The following ZC3H12B variants were observed in gnomAD, a reference collection of about 807,000 sequenced individuals.
ZC3H12B encodes zinc finger CCCH-type containing 12B.
A neutral mutation model predicts 43.9 loss-of-function variants in ZC3H12B; 7 were observed. The observed-to-expected ratio is 0.16, with a 90% confidence interval of 0.09 to 0.30. The LOEUF (loss-of-function observed/expected upper bound fraction) is 0.30, where lower values mean the gene tolerates loss of function less well. ZC3H12B is among the 10% of genes least tolerant of loss of function. ZC3H12B has a pLI of 1.00. For synonymous variants in ZC3H12B, 222 were observed against 241.7 expected (o/e 0.92, Z 0.76); for missense variants, 475 against 670.2 (o/e 0.71, Z 3.22).
chrX:65,163,415 G>T, the ZC3H12B span, among the ~76,000 whole-genome samples: 9 of 111,477 alleles, frequency 8.1e-5, no homozygotes, highest in Admixed American at 4.8e-4. Flanking sequence ...AGCTGTGGTG[G>T]GCTCCACCCA....
At chrX:65,432,033 T>G (rs113977635) in intron 3 of ZC3H12B, among the ~76,000 whole-genome samples, 9,198 of 111,380 alleles carry the variant, frequency 0.083, 1,027 homozygotes, top group African/African-American at 0.29. Flanking sequence ...TGAACCTAGG[T>G]CACTCCCCAT....
the ZC3H12B span, among the ~76,000 whole-genome samples, chrX:65,242,397 C>T: frequency 9.0e-6 from 1 of 111,136 alleles, no homozygotes; most frequent in Non-Finnish European, 1.9e-5. Context: ...ACAATAGCCA[C>T]AAATAAAATA....
At chrX:65,500,509 C>A (rs764815711) in intron 4 of ZC3H12B, among the ~76,000 whole-genome samples, 21 of 111,938 alleles carry the variant, frequency 1.9e-4, no homozygotes, top group Non-Finnish European at 3.2e-4. Context: ...CTCACTGCAA[C>A]CTCCGCTTCC....
At chrX:65,253,083 A>G in the ZC3H12B span, among the ~76,000 whole-genome samples, 1 of 112,154 alleles carries the variant, frequency 8.9e-6, no homozygotes, top group Non-Finnish European at 1.9e-5. Flanking sequence ...AGTAAAATTC[A>G]TTCTTGAGGG....
the ZC3H12B span, among the ~76,000 whole-genome samples, chrX:65,309,950 C>A: frequency 2.7e-5 from 3 of 111,738 alleles, no homozygotes; most frequent in African/African-American, 9.7e-5. Context: ...AATTCAACAG[C>A]CCTTCATGCT....
intron 3 of ZC3H12B, among the ~76,000 whole-genome samples, chrX:65,481,583 T>C (rs2068064460): frequency 9.0e-6 from 1 of 111,539 alleles, no homozygotes; most frequent in Non-Finnish European, 1.9e-5. Context: ...CCTAAACTCA[T>C]GGGGGGACAG....
intron 3 of ZC3H12B, among the ~76,000 whole-genome samples, chrX:65,422,999 C>G (rs1267824569): frequency 1.2e-5 from 1 of 84,389 alleles, no homozygotes; most frequent in African/African-American, 4.8e-5. Flanking sequence ...GTGGTGCAAT[C>G]TCAGCTCACT....
At chrX:65,126,149 C>A in the ZC3H12B span, among the ~76,000 whole-genome samples, 1 of 109,088 alleles carries the variant, frequency 9.2e-6, no homozygotes, top group South Asian at 3.9e-4. Flanking sequence ...AGATCTAGAG[C>A]TCCTTTTAGC....
the ZC3H12B span, among the ~76,000 whole-genome samples, chrX:65,300,511 G>A: frequency 3.6e-5 from 4 of 111,128 alleles, no homozygotes; most frequent in South Asian, 3.8e-4. Flanking sequence ...AAGCAAGCCC[G>A]GCCCAAGGAG....
chrX:65,176,856 A>T, the ZC3H12B span, among the ~76,000 whole-genome samples: 1 of 111,676 alleles, frequency 9.0e-6, no homozygotes, highest in Non-Finnish European at 1.9e-5. Context: ...AGGCACAAAG[A>T]GGAGCTGGTA....
At chrX:65,477,580 C>A (rs2068010721) in intron 3 of ZC3H12B, among the ~76,000 whole-genome samples, 1 of 110,764 alleles carries the variant, frequency 9.0e-6, no homozygotes, top group South Asian at 3.8e-4. Context: ...GGGTGGATCA[C>A]CTGAGGTCAG....
At chrX:65,251,160 A>G in the ZC3H12B span, among the ~76,000 whole-genome samples, 4 of 111,968 alleles carry the variant, frequency 3.6e-5, no homozygotes, top group Admixed American at 1.9e-4. Context: ...ACATATGGCT[A>G]GCCAGTTTTC....
chrX:65,361,650 T>C (rs896064805), upstream of ZC3H12B, among the ~76,000 whole-genome samples: 1 of 110,763 alleles, frequency 9.0e-6, no homozygotes, highest in African/African-American at 3.3e-5. Flanking sequence ...ATGTCCCATT[T>C]GGCAACAACC....
At chrX:65,110,090 C>T in the ZC3H12B span, among the ~76,000 whole-genome samples, 1 of 110,619 alleles carries the variant, frequency 9.0e-6, no homozygotes, top group African/African-American at 3.3e-5. Flanking sequence ...GCGTGTTTGC[C>T]ATCTGTATAT....
At chrX:65,251,071 G>T in the ZC3H12B span, among the ~76,000 whole-genome samples, 3 of 112,178 alleles carry the variant, frequency 2.7e-5, no homozygotes, top group Middle Eastern at 4.6e-3. Context: ...ATGGTTTTAG[G>T]TCTAACATTT....
the ZC3H12B span, among the ~76,000 whole-genome samples, chrX:65,072,663 T>A: frequency 8.9e-6 from 1 of 112,117 alleles, no homozygotes; most frequent in Admixed American, 9.4e-5. Context: ...GGGCTCACTC[T>A]GATGGGTGGT....
At chrX:65,113,420 A>C in the ZC3H12B span, among the ~76,000 whole-genome samples, 39 of 111,061 alleles carry the variant, frequency 3.5e-4, 1 homozygote, top group Non-Finnish European at 6.1e-4. Context: ...GCTATCAGGC[A>C]AGGTGTGTGG....
At chrX:65,279,936 G>C in the ZC3H12B span, among the ~76,000 whole-genome samples, 2 of 112,081 alleles carry the variant, frequency 1.8e-5, no homozygotes, top group Non-Finnish European at 3.8e-5. Flanking sequence ...CTTCTAAAAA[G>C]AAATCGTATG....
At chrX:65,231,503 T>C in the ZC3H12B span, among the ~76,000 whole-genome samples, 1 of 110,763 alleles carries the variant, frequency 9.0e-6, no homozygotes, top group Admixed American at 9.6e-5. Context: ...ACCGCGTATC[T>C]CAATCCTTAT....
Sources: allele counts gnomAD v4.1 joint callset (sites outside exome capture counted in the v4.1 genomes callset), GRCh38; gene constraint gnomAD v4.1.1; transcripts MANE v1.5; gene names NCBI Gene and HGNC (gene_info 2026-07-23, HGNC 2026-07-21).